BSPH1: variants seen among roughly 807,000 people sequenced by gnomAD.
BSPH1 encodes the protein binder of sperm 1.
Under a neutral mutation model 22.5 loss-of-function variants are expected in BSPH1, and 21 were observed. That is an observed-to-expected ratio of 0.93 (90% CI 0.66 to 1.35). The LOEUF (loss-of-function observed/expected upper bound fraction) is 1.35, where lower values mean the gene tolerates loss of function less well. Ranked by LOEUF, BSPH1 falls within the 40% of genes most tolerant of loss-of-function variation. The probability of loss-of-function intolerance (pLI) is 0.00; values close to 1 mark genes in which losing one functional copy is unlikely to be tolerated. For missense variants in BSPH1, 141 were observed against 154.2 expected, an observed-to-expected ratio of 0.91 and a Z score of 0.45; for synonymous variants, 42 against 53.6, an observed-to-expected ratio of 0.78 and a Z score of 0.95.
At chr19:47,978,001 G>GAGATATATATAT (rs376259844) in intron 3 of BSPH1, among the ~76,000 whole-genome samples, 3 of 110,452 alleles carry the variant, frequency 2.7e-5, no homozygotes, top group East Asian at 4.9e-4. Context: ...GTTAATACAG[G>GAGATATATATAT]ATATATATAT....
intron 5 of BSPH1, among the ~76,000 whole-genome samples, chr19:47,973,161 G>A (rs529193356): frequency 1.3e-5 from 2 of 151,160 alleles, no homozygotes; most frequent in South Asian, 2.1e-4. Flanking sequence ...AGCTTGCAGT[G>A]AGCCGAGATC....
intron 1 of BSPH1, among the ~76,000 whole-genome samples, chr19:47,989,126 T>TTAG: frequency 8.7e-6 from 1 of 115,018 alleles, no homozygotes; most frequent in Non-Finnish European, 1.8e-5. Flanking sequence ...ATTATTATTA[T>TTAG]TATTATTATT....
intron 4 of BSPH1, 132 bp from the exon 5 acceptor site, chr19:47,976,986 C>T: frequency 1.2e-6 from 1 of 819,514 alleles, no homozygotes. Context: ...CACACATACA[C>T]ATGCACACTC....
chr19:47,970,765 G>C (rs545351730), intron 5 of BSPH1, among the ~76,000 whole-genome samples: 1 of 152,144 alleles, frequency 6.6e-6, no homozygotes, highest in Non-Finnish European at 1.5e-5. Flanking sequence ...ATGTGGCAAT[G>C]GGATGTTAGC....
At chr19:47,981,454 A>T (rs887588723) in intron 1 of BSPH1, among the ~76,000 whole-genome samples, 2 of 152,244 alleles carry the variant, frequency 1.3e-5, no homozygotes, top group Non-Finnish European at 2.9e-5. Flanking sequence ...TATCCTGGGC[A>T]CTATATTTTA....
At position 47,977,320 on chromosome 19, in the gene BSPH1, A is replaced by G. The variant is rs190252446; in HGVS notation, c.256+53T>C. Reference sequence around the variant, plus strand: ...CCTCTTGTGTTTTGCCTCAGATCCCAGCCTCAGAGACCAAGATTACTGCTC... The same window carrying G: ...CCTCTTGTGTTTTGCCTCAGATCCCGGCCTCAGAGACCAAGATTACTGCTC... On this transcript the variant is annotated intron_variant, in intron 4 of 5. Coordinates refer to ENST00000344839, the MANE Select transcript of BSPH1 (RefSeq NM_001128326.2). 4,684 of 1,415,566 alleles carry G rather than the reference A, an allele frequency of 3.3e-3. 22 individuals carry two copies. Among genetic ancestry groups the G allele is most frequent in the Non-Finnish European group, 3.5e-3 (3,615 of 1,032,200 alleles). 87.7% of individuals were successfully genotyped at this position (1,415,566 alleles called of 1,614,324 possible).
chr19:47,977,318 C>G (rs1315971911), intron 4 of BSPH1, 55 bp downstream of exon 4: 3 of 1,408,010 alleles, frequency 2.1e-6, no homozygotes, highest in Non-Finnish European at 2.9e-6. Context: ...GCCTCAGATC[C>G]CAGCCTCAGA....
At position 47,979,287 on chromosome 19, in the gene BSPH1, C is replaced by T. The variant is rs550105368; in HGVS notation, c.124+283G>A. Reference sequence around the variant, plus strand: ...TATTTCTCTACTACAGCACTTTGTTCATACTTCTAATTATTATTGGATGTT... The same window carrying T: ...TATTTCTCTACTACAGCACTTTGTTTATACTTCTAATTATTATTGGATGTT... On this transcript the variant is annotated intron_variant, in intron 3 of 5. Transcript: ENST00000344839. 5.5e-5 allele frequency among the ~76,000 whole-genome samples: 8 copies of T among 144,920 alleles called. 2 individuals are homozygous for T. The highest frequency in any genetic ancestry group is 2.1e-4 in the African/African-American group (8 of 38,230).
At chr19:47,984,562 C>G (rs1466233051) in intron 1 of BSPH1, among the ~76,000 whole-genome samples, 2 of 152,092 alleles carry the variant, frequency 1.3e-5, no homozygotes, top group Non-Finnish European at 2.9e-5. Context: ...TTGTTTTATG[C>G]AGCCATAACA....
chr19:47,989,523 A>T (rs1263976984), intron 1 of BSPH1, among the ~76,000 whole-genome samples: 1 of 151,820 alleles, frequency 6.6e-6, no homozygotes, highest in Non-Finnish European at 1.5e-5. Flanking sequence ...GCTCTCATAC[A>T]TCCCCACTCA....
intron 3 of BSPH1, among the ~76,000 whole-genome samples, chr19:47,978,516 C>T (rs895049959): frequency 3.3e-5 from 5 of 152,268 alleles, no homozygotes; most frequent in Middle Eastern, 3.4e-3. Flanking sequence ...GTAAACATTT[C>T]ACATATTTAA....
At chr19:47,979,494 A>G (rs12608844) in intron 3 of BSPH1, 76 bp downstream of exon 3, 16,373 of 721,680 alleles carry the variant, frequency 0.023, 779 homozygotes, top group East Asian at 0.15. Flanking sequence ...TACTGGAAAA[A>G]CATTACTGAT....
At chr19:47,970,423 G>T (rs1299264934) in intron 5 of BSPH1, among the ~76,000 whole-genome samples, 1 of 152,158 alleles carries the variant, frequency 6.6e-6, no homozygotes, top group Non-Finnish European at 1.5e-5. Flanking sequence ...GTTGGTTGTT[G>T]TTATCCTATT....
chr19:47,980,446 T>C, intron 2 of BSPH1: 1 of 451,002 alleles, frequency 2.2e-6, no homozygotes, highest in South Asian at 9.3e-5. Flanking sequence ...AAATTAACAG[T>C]AAAATTATGA....
At chr19:47,972,824 CGTGT>C (rs539944224) in intron 5 of BSPH1, among the ~76,000 whole-genome samples, 1 of 149,760 alleles carries the variant, frequency 6.7e-6, no homozygotes, top group South Asian at 2.1e-4. Context: ...CCTATATATG[CGTGT>C]GTGTGTGTGT....
chr19:47,981,244 T>C (rs2122252916), intron 1 of BSPH1, among the ~76,000 whole-genome samples: 1 of 119,422 alleles, frequency 8.4e-6, no homozygotes. Context: ...AACCACTTCA[T>C]CATAGGTTTC....
chr19:47,975,280 C>T (rs1047518223), intron 5 of BSPH1, among the ~76,000 whole-genome samples: 1 of 152,200 alleles, frequency 6.6e-6, no homozygotes, highest in African/African-American at 2.4e-5. Context: ...ATCCTTCTGC[C>T]TCTGCCTCCC....
intron 1 of BSPH1, among the ~76,000 whole-genome samples, chr19:47,985,108 T>G (rs981067308): frequency 3.3e-5 from 5 of 151,130 alleles, no homozygotes; most frequent in African/African-American, 1.2e-4. Flanking sequence ...AACTGCCTAC[T>G]GGGCACTATG....
chr19:47,979,140 T>C (rs765913981), intron 3 of BSPH1, among the ~76,000 whole-genome samples: 6 of 152,014 alleles, frequency 3.9e-5, no homozygotes, highest in Non-Finnish European at 5.9e-5. Context: ...TCCTCCTCCT[T>C]CTTCTTCTTC....
Sources: gnomAD v4.1 joint callset for allele counts (sites outside exome capture counted in the v4.1 genomes callset) on GRCh38, gnomAD v4.1.1 for gene constraint, MANE v1.5 for transcripts, NCBI Gene and HGNC (gene_info 2026-07-23, HGNC 2026-07-21) for gene names.